The following PGPEP1L variants were observed in gnomAD, a reference collection of about 807,000 sequenced individuals.
PGPEP1L encodes pyroglutamyl-peptidase I like.
Under a neutral mutation model 6.0 loss-of-function variants are expected in PGPEP1L, and 7 were observed. The observed-to-expected ratio is 1.17, with a 90% CI of 0.66 to 2.19. The LOEUF (loss-of-function observed/expected upper bound fraction) is 2.19, where lower values mean the gene tolerates loss of function less well. Among genes scored for constraint, PGPEP1L ranks in the 30% most tolerant of loss-of-function variants. The pLI is 0.00. For missense variants in PGPEP1L, 209 were observed against 192.5 expected (o/e 1.09, Z -0.51); for synonymous variants, 103 against 83.9 (o/e 1.23, Z -1.24).
In PGPEP1L at chr15:98,971,200, G is replaced by A. The variant is rs577791860; in HGVS notation, c.-141-42C>T. 6.7e-5 allele frequency: 22 copies of A among 330,000 alleles called. 1 individual carries two copies. The highest frequency in any genetic ancestry group is 1.1e-4 in the South Asian group (3 of 26,686). The allele number at this position is 330,000 out of a possible 1,614,324, so 20.4% of individuals were successfully genotyped here. On this transcript the variant is annotated intron_variant, in intron 2 of 4. Coordinates refer to ENST00000535714, the MANE Select transcript of PGPEP1L (RefSeq NM_001167902.2). ...GTGGACTTGCCTCAGTTGATGGGGG[G>A]GGGGGGGGGGTGGGCACCAAGAGTC... is the stretch of plus-strand genomic sequence containing the variant.
At chr15:99,001,645 T>G (rs55916132) in intron 2 of PGPEP1L, among the ~76,000 whole-genome samples, 11,239 of 152,272 alleles carry the variant, frequency 0.074, 512 homozygotes, top group South Asian at 0.11. Flanking sequence ...CTTAAATTAC[T>G]CCAAGTGAAA....
At chr15:98,972,119 G>A (rs756777583) in intron 2 of PGPEP1L, among the ~76,000 whole-genome samples, 29 of 152,192 alleles carry the variant, frequency 1.9e-4, no homozygotes, top group East Asian at 5.8e-4. Flanking sequence ...TTGGGAGGCC[G>A]AGGTGAGTGG....
chr15:98,990,162 C>T (rs1555471907), intron 2 of PGPEP1L, among the ~76,000 whole-genome samples: 1 of 152,006 alleles, frequency 6.6e-6, no homozygotes, highest in African/African-American at 2.4e-5. Flanking sequence ...GGGCTAAATG[C>T]CCCAATTAAA....
chr15:98,988,581 G>A (rs955228979), intron 2 of PGPEP1L, among the ~76,000 whole-genome samples: 11 of 152,196 alleles, frequency 7.2e-5, no homozygotes, highest in African/African-American at 1.9e-4. Context: ...AGACTTCAAC[G>A]TCCCTGCCTG....
intron 2 of PGPEP1L, among the ~76,000 whole-genome samples, chr15:98,986,519 C>G (rs1367259425): frequency 6.6e-6 from 1 of 152,222 alleles, no homozygotes; most frequent in Non-Finnish European, 1.5e-5. Context: ...TGGGATCCTC[C>G]CAGACCTCAC....
chr15:98,972,769 G>T (rs558312542), intron 2 of PGPEP1L, among the ~76,000 whole-genome samples: 1 of 151,640 alleles, frequency 6.6e-6, no homozygotes, highest in Non-Finnish European at 1.5e-5. Flanking sequence ...TACTCGGGAG[G>T]CTGAGGCAGG....
intron 2 of PGPEP1L, among the ~76,000 whole-genome samples, chr15:98,979,454 G>A (rs916099887): frequency 6.6e-6 from 1 of 152,110 alleles, no homozygotes; most frequent in Non-Finnish European, 1.5e-5. Context: ...AAGTAGTGTG[G>A]TTATTTAATA....
At chr15:98,987,710 G>A (rs1429770999) in intron 2 of PGPEP1L, among the ~76,000 whole-genome samples, 1 of 152,088 alleles carries the variant, frequency 6.6e-6, no homozygotes, top group Non-Finnish European at 1.5e-5. Flanking sequence ...AGCCAAATAG[G>A]AGCAGCTCCA....
chr15:99,005,124 A>T (rs2018031866), intron 2 of PGPEP1L, among the ~76,000 whole-genome samples: 1 of 152,146 alleles, frequency 6.6e-6, no homozygotes, highest in Non-Finnish European at 1.5e-5. Flanking sequence ...TACCAGCCTC[A>T]GCTTCCTCCC....
intron 2 of PGPEP1L, among the ~76,000 whole-genome samples, chr15:99,000,478 G>C (rs1339870439): frequency 6.6e-6 from 1 of 152,200 alleles, no homozygotes; most frequent in Non-Finnish European, 1.5e-5. Flanking sequence ...GAGTCTGGTG[G>C]GGATGGAGAA....
At chr15:98,970,849 T>A (rs2017483092) in intron 3 of PGPEP1L, among the ~76,000 whole-genome samples, 187 bp downstream of exon 3, 2 of 152,198 alleles carry the variant, frequency 1.3e-5, no homozygotes, top group Admixed American at 6.5e-5. Context: ...ATCTAATCCA[T>A]ATTTTGGCTT....
chr15:98,982,332 G>A (rs987519552), intron 2 of PGPEP1L, among the ~76,000 whole-genome samples: 1 of 151,546 alleles, frequency 6.6e-6, no homozygotes, highest in African/African-American at 2.4e-5. Context: ...GACTCACACA[G>A]TCCCCATATT....
chr15:98,979,320 C>T (rs1341910961), intron 2 of PGPEP1L, among the ~76,000 whole-genome samples: 1 of 92,562 alleles, frequency 1.1e-5, no homozygotes, highest in Non-Finnish European at 2.1e-5. Context: ...TTTCAGGATG[C>T]CAAAATTAAA....
intron 2 of PGPEP1L, among the ~76,000 whole-genome samples, chr15:98,989,206 T>TA (rs2151762116): frequency 6.6e-6 from 1 of 152,340 alleles, no homozygotes; most frequent in African/African-American, 2.4e-5. Flanking sequence ...AAGCATGTTC[T>TA]AACCCAATGT....
At chr15:98,984,541 ATCTAAG>A (rs1449426465) in intron 2 of PGPEP1L, among the ~76,000 whole-genome samples, 1 of 152,186 alleles carries the variant, frequency 6.6e-6, no homozygotes, top group South Asian at 2.1e-4. Context: ...TATTCAGCCC[ATCTAAG>A]TCTATTTCTA....
intron 2 of PGPEP1L, among the ~76,000 whole-genome samples, chr15:99,001,803 C>T (rs969387551): frequency 3.3e-5 from 5 of 152,128 alleles, no homozygotes; most frequent in African/African-American, 9.7e-5. Context: ...CTGCAACCTC[C>T]GCCTCCTGGG....
At chr15:99,007,080 T>C (rs1190027646) in intron 1 of PGPEP1L, among the ~76,000 whole-genome samples, 1 of 152,194 alleles carries the variant, frequency 6.6e-6, no homozygotes, top group South Asian at 2.1e-4. Flanking sequence ...GGTGGCTTTC[T>C]GGGATTCTGA....
chr15:98,969,855 C>G (rs1174768877), intron 3 of PGPEP1L, among the ~76,000 whole-genome samples: 3 of 152,094 alleles, frequency 2.0e-5, no homozygotes, highest in Non-Finnish European at 4.4e-5. Flanking sequence ...ATTCTTTTAG[C>G]TGAATAAAAA....
At chr15:99,006,367 A>G (rs1382314379) in intron 1 of PGPEP1L, among the ~76,000 whole-genome samples, 1 of 152,252 alleles carries the variant, frequency 6.6e-6, no homozygotes, top group South Asian at 2.1e-4. Context: ...CTCCTTAAAC[A>G]TGCCACTGAC....
Sources: allele counts gnomAD v4.1 joint callset (sites outside exome capture counted in the v4.1 genomes callset), GRCh38; gene constraint gnomAD v4.1.1; transcripts MANE v1.5; gene names NCBI Gene and HGNC (gene_info 2026-07-23, HGNC 2026-07-21).